Variants in CDH20 observed in about 807,000 individuals in gnomAD.
CDH20 encodes the protein cadherin 20.
CDH20 carries 29 observed loss-of-function variants against 74.2 expected under a neutral mutation model. The ratio of observed to expected loss-of-function variants is 0.39; its 90% CI spans 0.29 to 0.53. The LOEUF (loss-of-function observed/expected upper bound fraction) is 0.53, where lower values mean the gene tolerates loss of function less well. Ranked by LOEUF, CDH20 falls within the 20% of genes least tolerant of loss-of-function variation. The pLI is 0.69. For synonymous variants in CDH20, 469 were observed against 405.4 expected, an observed-to-expected ratio of 1.16 and a Z score of -1.88; for missense variants, 988 against 1,048.3, an observed-to-expected ratio of 0.94 and a Z score of 0.79.
intron 1 of CDH20, among the ~76,000 whole-genome samples, chr18:61,367,946 T>C (rs890868380): frequency 2.6e-5 from 4 of 152,080 alleles, no homozygotes; most frequent in Non-Finnish European, 5.9e-5. Context: ...CCAAATGTCC[T>C]CTTCTTATAA....
chr18:61,441,284 A>G (rs1599087404), intron 1 of CDH20, among the ~76,000 whole-genome samples: 1 of 152,144 alleles, frequency 6.6e-6, no homozygotes, highest in East Asian at 1.9e-4. Context: ...TACAACTCCA[A>G]TCTACTCAGT....
chr18:61,391,061 A>C (rs1911765372), intron 1 of CDH20, among the ~76,000 whole-genome samples: 1 of 152,214 alleles, frequency 6.6e-6, no homozygotes, highest in Non-Finnish European at 1.5e-5. Flanking sequence ...AAGGCGAACA[A>C]AAATCTAGCA....
chr18:61,490,977 A>G (rs183371888), intron 2 of CDH20, among the ~76,000 whole-genome samples, 178 bp downstream of exon 2: 4 of 152,338 alleles, frequency 2.6e-5, no homozygotes, highest in Admixed American at 1.3e-4. Context: ...TCTGAAAGGA[A>G]AGATTTATTT....
intron 2 of CDH20, among the ~76,000 whole-genome samples, chr18:61,498,297 G>T (rs1911242463): frequency 6.6e-6 from 1 of 152,052 alleles, no homozygotes; most frequent in African/African-American, 2.4e-5. Flanking sequence ...CTACTTGGGA[G>T]CCTGAGGCAG....
At chr18:61,427,148 T>C (rs1913098953) in intron 1 of CDH20, among the ~76,000 whole-genome samples, 1 of 152,164 alleles carries the variant, frequency 6.6e-6, no homozygotes, top group South Asian at 2.1e-4. Flanking sequence ...TATGGGAATG[T>C]AGATTTCCGT....
At chr18:61,372,923 C>T (rs1053833530) in intron 1 of CDH20, among the ~76,000 whole-genome samples, 27 of 152,114 alleles carry the variant, frequency 1.8e-4, no homozygotes, top group African/African-American at 6.5e-4. Context: ...TATGACAAAG[C>T]CTATGCTATG....
At chr18:61,518,484 G>C (rs566073028) in intron 6 of CDH20, among the ~76,000 whole-genome samples, 41 of 144,410 alleles carry the variant, frequency 2.8e-4, no homozygotes, top group African/African-American at 1.1e-3. Flanking sequence ...ACAGAGTCTG[G>C]AGCGGACCTC....
intron 3 of CDH20, 51 bp downstream of exon 3, chr18:61,499,531 C>T (rs571764891): frequency 1.5e-4 from 173 of 1,122,294 alleles, no homozygotes; most frequent in East Asian, 5.1e-4. Flanking sequence ...TATATATATA[C>T]ACACACACAC....
chr18:61,434,355 A>G (rs1862243433), intron 1 of CDH20, among the ~76,000 whole-genome samples: 1 of 152,180 alleles, frequency 6.6e-6, no homozygotes, highest in African/African-American at 2.4e-5. Context: ...TTCTGTATTT[A>G]GTGTACAGGT....
chr18:61,344,734 A>T (rs946892831), intron 1 of CDH20, among the ~76,000 whole-genome samples: 9 of 152,202 alleles, frequency 5.9e-5, no homozygotes, highest in Non-Finnish European at 7.3e-5. Flanking sequence ...GGCATTTCAG[A>T]TGCTGTTCTA....
intron 1 of CDH20, among the ~76,000 whole-genome samples, chr18:61,349,917 C>T (rs982003450): frequency 2.0e-5 from 3 of 152,174 alleles, no homozygotes; most frequent in Non-Finnish European, 2.9e-5. Flanking sequence ...GGCAAAGGTG[C>T]CATTTCCACC....
intron 1 of CDH20, among the ~76,000 whole-genome samples, chr18:61,339,439 AAAT>A (rs1909864827): frequency 6.6e-6 from 1 of 151,920 alleles, no homozygotes; most frequent in Non-Finnish European, 1.5e-5. Context: ...TGCATCACCC[AAAT>A]AATGACCATT....
At chr18:61,361,230 G>A (rs928794532) in intron 1 of CDH20, among the ~76,000 whole-genome samples, 1 of 152,134 alleles carries the variant, frequency 6.6e-6, no homozygotes, top group African/African-American at 2.4e-5. Context: ...GGGGGAAGGA[G>A]GTAAACAGAT....
chr18:61,489,130 T>C (rs939471029), intron 1 of CDH20, among the ~76,000 whole-genome samples: 1 of 152,264 alleles, frequency 6.6e-6, no homozygotes, highest in African/African-American at 2.4e-5. Context: ...CTCTATCATT[T>C]CTCATTAAAA....
chr18:61,515,905 G>A (rs1911984977), intron 6 of CDH20, among the ~76,000 whole-genome samples: 1 of 143,592 alleles, frequency 7.0e-6, no homozygotes, highest in African/African-American at 2.6e-5. Context: ...ATGTGCACAT[G>A]TACCCTAAAA....
At chr18:61,387,318 G>A (rs1191248098) in intron 1 of CDH20, among the ~76,000 whole-genome samples, 1 of 152,152 alleles carries the variant, frequency 6.6e-6, no homozygotes, top group Non-Finnish European at 1.5e-5. Flanking sequence ...ATGGAAGAGT[G>A]GGAAGCCAGA....
chr18:61,342,756 A>G (rs1909993155), intron 1 of CDH20, among the ~76,000 whole-genome samples: 1 of 152,212 alleles, frequency 6.6e-6, no homozygotes, highest in South Asian at 2.1e-4. Context: ...TACATTTTCA[A>G]TTTAAGAGTA....
At chr18:61,545,254 G>A (rs768657983) in intron 10 of CDH20, 110 bp downstream of exon 10, 2 of 749,414 alleles carry the variant, frequency 2.7e-6, no homozygotes, top group Middle Eastern at 2.4e-4. Flanking sequence ...CATACCAGCA[G>A]GGAGGATGTT....
chr18:61,338,571 A>G (rs1467535099), intron 1 of CDH20, among the ~76,000 whole-genome samples: 1 of 152,192 alleles, frequency 6.6e-6, no homozygotes. Flanking sequence ...TGGCCTACAA[A>G]TATGTCATTG....
Sources: gnomAD v4.1 joint callset for allele counts (sites outside exome capture counted in the v4.1 genomes callset) on GRCh38, gnomAD v4.1.1 for gene constraint, MANE v1.5 for transcripts, NCBI Gene and HGNC (gene_info 2026-07-23, HGNC 2026-07-21) for gene names.